Variants in EGF observed in about 807,000 individuals in gnomAD.
The protein encoded by EGF is epidermal growth factor.
Under a neutral mutation model 143.8 loss-of-function variants are expected in EGF, and 95 were observed. That is an observed-to-expected ratio of 0.66 (90% CI 0.56 to 0.78). The LOEUF is 0.78. Among genes scored for constraint, EGF ranks in the 30% least tolerant of loss-of-function variants. EGF has a pLI of 0.00. For missense variants in EGF, 1,320 were observed against 1,470.9 expected (o/e 0.90, Z 1.68); for synonymous variants, 510 against 510.5 (o/e 1.00, Z 0.01).
rs537226223 is a variant in EGF, at chr4:110,012,720, T to A, written c.*1265T>A. ...GCCATGGTGCCCAGCCTTGTAACTT[T>A]TAAAAAAATTTTTTAATCTACAACT... is the stretch of plus-strand genomic sequence containing the variant. On this transcript the variant is annotated 3_prime_UTR_variant, in exon 24 of 24. Coordinates refer to ENST00000265171, the MANE Select transcript of EGF (RefSeq NM_001963.6). Among the ~76,000 whole-genome samples, 170 of 152,292 alleles carry A rather than the reference T, an allele frequency of 1.1e-3. 1 individual carries two copies. Among genetic ancestry groups the A allele is most frequent in the Non-Finnish European group, 2.1e-3 (141 of 68,026 alleles).
At chr4:109,981,046 G>A in intron 15 of EGF, 71 bp downstream of exon 15, 1 of 1,592,144 alleles carries the variant, frequency 6.3e-7, no homozygotes, top group Non-Finnish European at 8.6e-7. Flanking sequence ...CAATCTTTAT[G>A]CTTTTGCTGA....
rs1752306437 is a variant in EGF, at chr4:109,999,722, C to G, written c.3049C>G (p.Leu1017Val). ...YIGERCQYRD[L>V]KWWELRHAGH... ...CGGGGAGCGATGTCAGTACCGAGAC[C>G]TGAAGTGGTGGGAACTGCGCCACGC... is the stretch of plus-strand genomic sequence containing the variant. Residue 1017 changes from leucine (L) to valine (V), a missense_variant, in exon 21 of 24, where the codon CTG becomes GTG. Leu to Val is a conservative substitution (Grantham distance 32, BLOSUM62 1). This residue lies in a region of EGF where 1,186 missense variants were observed against 1,313.7 expected (regional missense o/e 0.90). Coordinates refer to ENST00000265171, the MANE Select transcript of EGF (RefSeq NM_001963.6). 1 of 1,614,126 alleles carries G rather than the reference C, an allele frequency of 6.2e-7. No homozygotes were observed. The highest frequency in any genetic ancestry group is 8.5e-7 in the Non-Finnish European group (1 of 1,180,026).
chr4:109,933,684 G>A (rs1235312833), intron 1 of EGF, among the ~76,000 whole-genome samples: 2 of 152,026 alleles, frequency 1.3e-5, no homozygotes, highest in Non-Finnish European at 2.9e-5. Context: ...TTGGTTTTCT[G>A]TCCTTATGAT....
intron 16 of EGF, among the ~76,000 whole-genome samples, chr4:109,986,497 A>T (rs1750125645): frequency 6.6e-6 from 1 of 152,244 alleles, no homozygotes; most frequent in Non-Finnish European, 1.5e-5. Context: ...GTAGCTAAGC[A>T]AATCAAATGC....
chr4:109,952,710 A>G (rs915956287), intron 5 of EGF, among the ~76,000 whole-genome samples: 8 of 152,196 alleles, frequency 5.3e-5, no homozygotes, highest in African/African-American at 1.7e-4. Flanking sequence ...AGTTATTGAC[A>G]TTTTCTTAGT....
intron 18 of EGF, among the ~76,000 whole-genome samples, chr4:109,991,063 G>A (rs542838409): frequency 1.3e-5 from 2 of 152,234 alleles, no homozygotes; most frequent in African/African-American, 4.8e-5. Context: ...AGTCACTGAG[G>A]TTTCACTTCT....
rs1415613841 is a variant in EGF, at chr4:109,945,625, A to G, written c.940+350A>G. 2.0e-5 allele frequency among the ~76,000 whole-genome samples: 3 copies of G among 152,174 alleles called. 1 individual carries two copies. Among genetic ancestry groups the G allele is most frequent in the Non-Finnish European group, 4.4e-5 (3 of 68,030 alleles). ...AACAAATAGAAATGGATTAACATGT[A>G]CATTTTATATATACATGGGAGAAAT... On this transcript the variant is annotated intron_variant, in intron 5 of 23. Coordinates refer to ENST00000265171, the MANE Select transcript of EGF (RefSeq NM_001963.6).
At position 109,988,619 on chromosome 4, in the gene EGF, C is replaced by T; in HGVS notation, c.2644C>T (p.Pro882Ser). Residue 882 changes from proline to serine, a missense_variant, in exon 18 of 24, where the codon CCC becomes TCC. By Grantham distance (74) the Pro-to-Ser change is moderately conservative. Coordinates refer to ENST00000265171, the MANE Select transcript of EGF (RefSeq NM_001963.6). ...ATGTGAGATGGGTGTCCCAGTGTGC[C>T]CCCCTGCCTCCTCCAAGTGCATCAA... ...DECEMGVPVC[P>S]PASSKCINTE... The T allele has an allele frequency of 6.2e-7, 1 of 1,614,018 alleles. No individual in the cohort carries two copies. Among genetic ancestry groups the T allele is most frequent in the Non-Finnish European group, 8.5e-7 (1 of 1,179,950 alleles).
At chr4:109,975,871 A>C in intron 12 of EGF, 141 bp from the exon 13 acceptor site, 1 of 911,064 alleles carries the variant, frequency 1.1e-6, no homozygotes, top group Non-Finnish European at 1.7e-6. Flanking sequence ...CCGAACATAC[A>C]GCGCTATCTC....
intron 1 of EGF, among the ~76,000 whole-genome samples, chr4:109,935,379 C>G (rs754016131): frequency 1.3e-5 from 2 of 152,120 alleles, no homozygotes; most frequent in Non-Finnish European, 2.9e-5. Context: ...TATAGGAATG[C>G]TTGTGATTTT....
At chr4:109,933,542 A>G (rs946299684) in intron 1 of EGF, among the ~76,000 whole-genome samples, 27 of 151,700 alleles carry the variant, frequency 1.8e-4, no homozygotes, top group African/African-American at 6.5e-4. Context: ...CGTTTACATT[A>G]GGTATTTCTC....
intron 1 of EGF, among the ~76,000 whole-genome samples, chr4:109,922,272 C>G (rs2237044): frequency 0.022 from 3,381 of 151,588 alleles, 253 homozygotes; most frequent in East Asian, 0.19. Context: ...CCTGGTTACT[C>G]TAATGAATCA....
intron 1 of EGF, among the ~76,000 whole-genome samples, chr4:109,925,845 A>G (rs550464206): frequency 2.4e-4 from 36 of 152,338 alleles, no homozygotes; most frequent in Non-Finnish European, 3.4e-4. Context: ...CTAGGACATC[A>G]ACCAAAAAGC....
chr4:109,920,691 A>G (rs1486005124), intron 1 of EGF, among the ~76,000 whole-genome samples: 1 of 151,684 alleles, frequency 6.6e-6, no homozygotes, highest in Non-Finnish European at 1.5e-5. Flanking sequence ...TTCTCATGTG[A>G]GAATTAGAAT....
chr4:109,927,677 T>A (rs1201629816), intron 1 of EGF, among the ~76,000 whole-genome samples: 1 of 150,024 alleles, frequency 6.7e-6, no homozygotes, highest in Non-Finnish European at 1.5e-5. Context: ...TGAGAGGAGA[T>A]TGTGCCACTG....
Position 110,012,700 on chromosome 4 carries a change from G to A in EGF, c.*1245G>A, listed in dbSNP as rs1319148157. ...GTATTAGATTATAGGCATTAGCCAT[G>A]GTGCCCAGCCTTGTAACTTTTAAAA... On this transcript the variant is annotated 3_prime_UTR_variant, in exon 24 of 24. Transcript: ENST00000265171. 1.3e-5 allele frequency among the ~76,000 whole-genome samples: 2 copies of A among 152,088 alleles called. No individual in the cohort carries two copies. The highest frequency in any genetic ancestry group is 4.8e-5 in the African/African-American group (2 of 41,402).
intron 10 of EGF, chr4:109,968,704 CTAT>C (rs1179052016): frequency 4.4e-5 from 19 of 432,578 alleles, no homozygotes; most frequent in East Asian, 1.1e-4. Context: ...ATCTATCTAT[CTAT>C]CTACCTACCT....
At chr4:109,979,665 T>G (rs551880944) in intron 13 of EGF, among the ~76,000 whole-genome samples, 1 of 152,286 alleles carries the variant, frequency 6.6e-6, no homozygotes, top group South Asian at 2.1e-4. Context: ...CAAGGAAAAT[T>G]CCACCTTTCT....
rs755587723 is a variant in EGF, at chr4:109,960,938, T to G, written c.1138T>G (p.Cys380Gly). ...GCKNTPGSYY[C>G]TCPVGFVLLP... ...TAAAAACACCCCTGGATCCTATTAC[T>G]GCACGTGCCCTGTAGGATTTGTTCT... The change falls in exon 7 of 24, where the codon TGC becomes GGC. Residue 380 changes from cysteine (C) to glycine (G), a missense_variant. Physicochemically the swap from Cys to Gly is radical, Grantham distance 159. This residue lies in a region of EGF where 1,186 missense variants were observed against 1,313.7 expected (regional missense o/e 0.90). Coordinates refer to ENST00000265171, the MANE Select transcript of EGF (RefSeq NM_001963.6). 1 of 1,613,982 alleles carries G rather than the reference T, an allele frequency of 6.2e-7. No homozygotes were observed. Among genetic ancestry groups the G allele is most frequent in the Non-Finnish European group, 8.5e-7 (1 of 1,179,898 alleles).
Sources: gnomAD v4.1 joint callset for allele counts (sites outside exome capture counted in the v4.1 genomes callset) on GRCh38, gnomAD v4.1.1 for gene constraint, gnomAD v4.1.1 regional missense constraint, MANE v1.5 for transcripts, NCBI Gene and HGNC (gene_info 2026-07-23, HGNC 2026-07-21) for gene names.